Variants in TAF1B observed in about 807,000 individuals in gnomAD.
The protein encoded by TAF1B is TATA box-binding protein-associated factor RNA polymerase I subunit B.
Under a neutral mutation model 83.9 loss-of-function variants are expected in TAF1B, and 61 were observed. The ratio of observed to expected loss-of-function variants is 0.73; its 90% CI spans 0.59 to 0.90. The LOEUF is 0.90. Among genes scored for constraint, TAF1B ranks in the 40% least tolerant of loss-of-function variants. The pLI is 0.00. For missense variants in TAF1B, 625 were observed against 677.0 expected, an observed-to-expected ratio of 0.92 and a Z score of 0.85; for synonymous variants, 221 against 224.6, an observed-to-expected ratio of 0.98 and a Z score of 0.14.
At chr2:9,905,936 C>T (rs1013534864) in intron 9 of TAF1B, among the ~76,000 whole-genome samples, 2 of 152,150 alleles carry the variant, frequency 1.3e-5, no homozygotes, top group East Asian at 3.9e-4. Context: ...AGGAATATGG[C>T]TCTTATTGAG....
intron 9 of TAF1B, among the ~76,000 whole-genome samples, chr2:9,906,618 G>A (rs1227732088): frequency 6.6e-6 from 1 of 152,074 alleles, no homozygotes; most frequent in African/African-American, 2.4e-5. Context: ...TTTATGAAGA[G>A]TTCATAAAAG....
chr2:9,882,883 CTTA>C (rs1664555012), intron 8 of TAF1B, 78 bp downstream of exon 8: 3 of 1,079,928 alleles, frequency 2.8e-6, no homozygotes, highest in Non-Finnish European at 4.0e-6. Context: ...TCTTGCTTGA[CTTA>C]TTATTTGGTG....
intron 1 of TAF1B, among the ~76,000 whole-genome samples, chr2:9,844,109 C>T (rs900943214): frequency 6.6e-6 from 1 of 152,156 alleles, no homozygotes; most frequent in African/African-American, 2.4e-5. Context: ...ATTGATTTGG[C>T]ATGCATTTTG....
At chr2:9,845,131 G>A (rs1322754130) in intron 1 of TAF1B, 89 bp from the exon 2 acceptor site, 1 of 859,978 alleles carries the variant, frequency 1.2e-6, no homozygotes, top group Non-Finnish European at 1.8e-6. Context: ...AAAGTTGCCA[G>A]GAACCCATTA....
intron 5 of TAF1B, among the ~76,000 whole-genome samples, chr2:9,856,891 A>G (rs888142937): frequency 6.6e-6 from 1 of 152,230 alleles, no homozygotes; most frequent in African/African-American, 2.4e-5. Context: ...AATTACTTTT[A>G]ATTAGAAGCA....
In TAF1B at chr2:9,912,199, T is replaced by C. The variant is rs1166175277; in HGVS notation, c.1180+642T>C. Among the ~76,000 whole-genome samples the C allele has an allele frequency of 3.3e-5, 5 of 152,266 alleles. No homozygotes were observed. The East Asian group carries it at 9.6e-4, about 29-fold the overall frequency. On this transcript the variant is annotated intron_variant, in intron 11 of 14. Coordinates refer to ENST00000263663, the MANE Select transcript of TAF1B (RefSeq NM_005680.3). ...TATCTGGCATCTAATAAGTACTTTATAAGTGATAGACAGATAGACAAGTGA... is the reference window on the plus strand; with the variant it reads ...TATCTGGCATCTAATAAGTACTTTACAAGTGATAGACAGATAGACAAGTGA...
chr2:9,888,306 T>C (rs1194978643), intron 8 of TAF1B, among the ~76,000 whole-genome samples: 1 of 133,580 alleles, frequency 7.5e-6, no homozygotes, highest in African/African-American at 2.5e-5. Context: ...CCTTAATGCA[T>C]TGGGATTTTT....
rs772974352 is a variant in TAF1B at position 9,854,283 on chromosome 2, T to C, written c.304-43T>C. The stretch of plus-strand genomic sequence containing the variant: ...TGTAGATGTGCCTGTACATTTGTTG[T>C]CATAACCTGAATCACCCACCACTCA... On this transcript the variant is annotated intron_variant, in intron 4 of 14. Transcript: ENST00000263663. 6 of 1,419,482 alleles carry C rather than the reference T, an allele frequency of 4.2e-6. No individual in the cohort carries two copies. In the East Asian group the frequency reaches 9.1e-5, roughly 22 times the overall value. 87.9% of individuals were successfully genotyped at this position (1,419,482 alleles called of 1,614,324 possible). A position where few individuals can be genotyped will look rare whatever the true frequency, so the allele number is the denominator to read the frequency against.
chr2:9,905,058 A>G (rs757310496), intron 9 of TAF1B, 52 bp downstream of exon 9: 4 of 1,509,432 alleles, frequency 2.7e-6, no homozygotes, highest in South Asian at 2.3e-5. Context: ...GAGTAATAAT[A>G]AGCAGAGTAT....
At chr2:9,846,944 T>G (rs1663224442) in intron 2 of TAF1B, among the ~76,000 whole-genome samples, 1 of 152,226 alleles carries the variant, frequency 6.6e-6, no homozygotes, top group African/African-American at 2.4e-5. Context: ...TCACTGTTGC[T>G]TTTGTACTAT....
intron 8 of TAF1B, among the ~76,000 whole-genome samples, chr2:9,904,091 T>C (rs79538767): frequency 0.025 from 3,831 of 152,326 alleles, 64 homozygotes; most frequent in Middle Eastern, 0.085. Context: ...TTGGAACATA[T>C]TACTTGCTAA....
At chr2:9,920,586 C>CG (rs139852104) in intron 14 of TAF1B, among the ~76,000 whole-genome samples, 31 of 113,296 alleles carry the variant, frequency 2.7e-4, no homozygotes, top group Admixed American at 3.2e-4. Context: ...GGGCGGGGGG[C>CG]GGGGGGTCCA....
chr2:9,896,441 T>C (rs536469942), intron 8 of TAF1B, among the ~76,000 whole-genome samples: 7 of 152,166 alleles, frequency 4.6e-5, no homozygotes, highest in Non-Finnish European at 1.0e-4. Context: ...CGCTAAGTCT[T>C]GGCTTCTTCA....
chr2:9,885,516 C>T (rs565114259), intron 8 of TAF1B, among the ~76,000 whole-genome samples: 47 of 152,286 alleles, frequency 3.1e-4, no homozygotes, highest in African/African-American at 1.1e-3. Context: ...ACTGGTTTCA[C>T]CCTTAGAACA....
intron 5 of TAF1B, among the ~76,000 whole-genome samples, chr2:9,858,651 G>A (rs1466670132): frequency 6.6e-6 from 1 of 152,242 alleles, no homozygotes; most frequent in Non-Finnish European, 1.5e-5. Flanking sequence ...AATCTAGGCA[G>A]AGGTTCCCAA....
At chr2:9,868,494 C>CT (rs1261185215) in intron 6 of TAF1B, 65 bp downstream of exon 6, 27 of 1,560,220 alleles carry the variant, frequency 1.7e-5, no homozygotes, top group Middle Eastern at 1.7e-4. Context: ...ATAATTTAGT[C>CT]TAATCTTCTG....
intron 8 of TAF1B, among the ~76,000 whole-genome samples, chr2:9,883,745 C>A (rs12468582): frequency 6.6e-6 from 1 of 152,078 alleles, no homozygotes; most frequent in African/African-American, 2.4e-5. Context: ...ACAATAGGTG[C>A]TTCCAAAGGG....
Position 9,913,170 on chromosome 2 carries a change from T to C in TAF1B, c.1192T>C (p.Phe398Leu). Reference protein sequence around the residue: ...NEKNKKDKPWFDFRKWYQIMK... With the variant: ...NEKNKKDKPWLDFRKWYQIMK... The stretch of plus-strand genomic sequence containing the variant: ...TTTATTTCTTTCAGATAAGCCATGG[T>C]TTGATTTCAGAAAGTGGTACCAAAT... The change falls in exon 12 of 15, where the codon TTT (phenylalanine) becomes CTT (leucine). Residue 398 changes from phenylalanine to leucine, a missense_variant. Coordinates refer to ENST00000263663, the MANE Select transcript of TAF1B (RefSeq NM_005680.3). 1 of 1,607,480 alleles carries C rather than the reference T, an allele frequency of 6.2e-7. No homozygotes were observed. Among genetic ancestry groups the C allele is most frequent in the African/African-American group, 1.3e-5 (1 of 74,618 alleles).
chr2:9,880,426 C>CTTTTTTTTT (rs6146620), intron 7 of TAF1B, among the ~76,000 whole-genome samples: 7 of 75,032 alleles, frequency 9.3e-5, no homozygotes, highest in South Asian at 5.0e-4. Context: ...GAGTAAGCAG[C>CTTTTTTTTT]TTTTTTTTTT....
Sources: allele counts gnomAD v4.1 joint callset (sites outside exome capture counted in the v4.1 genomes callset), GRCh38; gene constraint gnomAD v4.1.1; transcripts MANE v1.5; gene names NCBI Gene and HGNC (gene_info 2026-07-23, HGNC 2026-07-21).